DOCK9: variants seen among roughly 807,000 people sequenced by gnomAD.
The protein encoded by DOCK9 is dedicator of cytokinesis protein 9.
A neutral mutation model predicts 263.3 loss-of-function variants in DOCK9; 89 were observed. The ratio of observed to expected loss-of-function variants is 0.34; its 90% CI spans 0.28 to 0.40. The LOEUF is 0.40. Ranked by LOEUF, DOCK9 falls within the 10% of genes least tolerant of loss-of-function variation. The probability of loss-of-function intolerance (pLI) is 1.00; values close to 1 mark genes in which losing one functional copy is unlikely to be tolerated. For synonymous variants in DOCK9, 976 were observed against 973.1 expected (o/e 1.00, Z -0.06); for missense variants, 2,140 against 2,603.4 (o/e 0.82, Z 3.87).
At chr13:98,814,379 T>C (rs1194637382) in intron 45 of DOCK9, among the ~76,000 whole-genome samples, 1 of 151,876 alleles carries the variant, frequency 6.6e-6, no homozygotes, top group East Asian at 1.9e-4. Flanking sequence ...CTCTTTTCCT[T>C]TGTATCTGTA....
At chr13:98,888,943 A>G (rs892316741) in intron 15 of DOCK9, among the ~76,000 whole-genome samples, 3 of 152,220 alleles carry the variant, frequency 2.0e-5, no homozygotes, top group South Asian at 4.1e-4. Context: ...TCAGTATAAA[A>G]AATGTGTACT....
At chr13:98,975,997 C>T (rs1355002819) in intron 1 of DOCK9, among the ~76,000 whole-genome samples, 2 of 152,236 alleles carry the variant, frequency 1.3e-5, no homozygotes, top group Admixed American at 6.5e-5. Flanking sequence ...GCAGCAACAG[C>T]CACAGGTAAG....
intron 45 of DOCK9, among the ~76,000 whole-genome samples, chr13:98,816,392 G>C (rs2091853843): frequency 6.6e-6 from 1 of 152,106 alleles, no homozygotes; most frequent in Non-Finnish European, 1.5e-5. Flanking sequence ...ACATGCCCAA[G>C]ATGCAAGTCG....
rs117091534 is a variant in DOCK9, at chr13:98,842,985, G to A, written c.4198+2939C>T. Among the ~76,000 whole-genome samples the A allele has an allele frequency of 5.8e-3, 879 of 152,274 alleles. 8 individuals carry two copies. Among genetic ancestry groups the A allele is most frequent in the South Asian group, 0.022 (107 of 4,824 alleles). On this transcript the variant is annotated intron_variant, in intron 38 of 52. Transcript: ENST00000682017. ...CTTGCTGGAGTTCCATGTGCAGTGC[G>A]TGTGGTGCCTTCTTCCATGTCCTGT... is the stretch of plus-strand genomic sequence containing the variant.
In DOCK9 at chr13:98,846,039, G is replaced by A. The variant is rs74675539; in HGVS notation, c.4083C>T (p.Pro1361=). 6.3e-7 allele frequency: 1 copy of A among 1,587,314 alleles called. No individual in the cohort carries two copies. Among genetic ancestry groups the A allele is most frequent in the South Asian group, 1.1e-5 (1 of 87,050 alleles). The change falls in exon 38 of 53, where the codon CCC becomes CCT. Residue 1361 remains proline (P), a synonymous_variant. Coordinates refer to ENST00000682017, the MANE Select transcript of DOCK9 (RefSeq NM_001366683.2). ...TCTGAGACTTTCGATCATGAACTAT[G>A]GGTCCCAACCCCTCCTGGTTCCTGC... ...YIARNQEGLG[P]IVHDRKSQTL... is the part of the protein sequence containing the mutation.
rs915440420 is a variant in DOCK9, at chr13:98,807,575, T to C, written c.5514+86A>G. ...ACAATCCTTAATATTTTTCTTGTGTTTTTTTCTATATACATTTAAAAATAT... is the reference window on the plus strand; with the variant it reads ...ACAATCCTTAATATTTTTCTTGTGTCTTTTTCTATATACATTTAAAAATAT... On this transcript the variant is annotated intron_variant, in intron 48 of 52. Transcript: ENST00000682017. 4.0e-6 allele frequency: 5 copies of C among 1,245,112 alleles called. No homozygotes were observed. In the African/African-American group the frequency reaches 7.7e-5, roughly 19 times the overall value. 77.1% of individuals were successfully genotyped at this position (1,245,112 alleles called of 1,614,324 possible).
At chr13:98,811,378 T>C (rs1023004178) in intron 45 of DOCK9, among the ~76,000 whole-genome samples, 2 of 152,138 alleles carry the variant, frequency 1.3e-5, no homozygotes, top group Non-Finnish European at 2.9e-5. Flanking sequence ...CTTTGCCAGA[T>C]AGGTGATTTG....
chr13:98,822,106 A>G (rs377555011), intron 45 of DOCK9, among the ~76,000 whole-genome samples: 1 of 152,166 alleles, frequency 6.6e-6, no homozygotes, highest in Admixed American at 6.6e-5. Context: ...GGACTTTATA[A>G]CCCTGCTGTG....
chr13:98,833,040 G>A (rs1414328455), intron 39 of DOCK9: 1 of 151,934 alleles, frequency 6.6e-6, no homozygotes, highest in Non-Finnish European at 1.5e-5. Flanking sequence ...CAGAACACCT[G>A]GAATTCACAG....
At chr13:98,833,322 C>T (rs1421056910) in intron 39 of DOCK9, among the ~76,000 whole-genome samples, 1 of 151,988 alleles carries the variant, frequency 6.6e-6, no homozygotes, top group Non-Finnish European at 1.5e-5. Flanking sequence ...AATGAATTTA[C>T]ATTCCTAATT....
chr13:99,015,082 C>T (rs548268003), intron 1 of DOCK9, among the ~76,000 whole-genome samples: 5 of 152,216 alleles, frequency 3.3e-5, no homozygotes, highest in African/African-American at 1.2e-4. Flanking sequence ...TGTAAAGGGG[C>T]TAAATAATTC....
intron 30 of DOCK9, among the ~76,000 whole-genome samples, chr13:98,866,772 G>A (rs949375081): frequency 3.9e-5 from 6 of 152,192 alleles, no homozygotes; most frequent in African/African-American, 1.4e-4. Flanking sequence ...GAAAATAGTA[G>A]AATAATGAAT....
rs71437982 is a variant in DOCK9 at position 98,967,661 on chromosome 13, G to A, written c.126+10123C>T. The stretch of plus-strand genomic sequence containing the variant: ...CACACGAGGATGCTTCAGGCTCCAC[G>A]TCGCCAGGGAGGAGGGAATTCTCCC... On this transcript the variant is annotated intron_variant, in intron 1 of 52. Coordinates refer to ENST00000682017, the MANE Select transcript of DOCK9 (RefSeq NM_001366683.2). Among the ~76,000 whole-genome samples the A allele has an allele frequency of 1.9e-3, 294 of 152,262 alleles. 2 individuals are homozygous for A. The highest frequency in any genetic ancestry group is 2.9e-3 in the Non-Finnish European group (199 of 68,028).
chr13:98,944,248 A>G (rs2056384858), intron 2 of DOCK9, among the ~76,000 whole-genome samples: 1 of 152,180 alleles, frequency 6.6e-6, no homozygotes, highest in South Asian at 2.1e-4. Context: ...CTTGATGTAT[A>G]CAGGTGGTAT....
At chr13:98,855,374 C>T (rs1739841246) in intron 34 of DOCK9, among the ~76,000 whole-genome samples, 1 of 152,058 alleles carries the variant, frequency 6.6e-6, no homozygotes, top group African/African-American at 2.4e-5. Context: ...GAGTTTGAGC[C>T]CAGCCTGGCC....
chr13:99,005,013 CTAGCACCT>C (rs1286107877), intron 1 of DOCK9, among the ~76,000 whole-genome samples: 1 of 151,934 alleles, frequency 6.6e-6, no homozygotes, highest in Non-Finnish European at 1.5e-5. Context: ...GGAAACTCTG[CTAGCACCT>C]TTGCTTATAT....
At chr13:98,897,696 CTAAT>C (rs1202030389) in intron 14 of DOCK9, 86 bp from the exon 15 acceptor site, 2 of 1,535,018 alleles carry the variant, frequency 1.3e-6, no homozygotes, top group Non-Finnish European at 1.8e-6. Context: ...TATGAGAAGT[CTAAT>C]TATTATTCCA....
At chr13:98,848,670 A>G (rs1485019494) in intron 36 of DOCK9, 31 bp from the exon 37 acceptor site, 5 of 1,598,520 alleles carry the variant, frequency 3.1e-6, no homozygotes, top group East Asian at 4.5e-5. Context: ...TATTAGGGAA[A>G]TGCAAAGATA....
At chr13:99,033,854 T>C (rs9513538) in intron 1 of DOCK9, among the ~76,000 whole-genome samples, 22,571 of 152,098 alleles carry the variant, frequency 0.15, 2,382 homozygotes, top group East Asian at 0.42. Context: ...TCCCTACATA[T>C]AGATGTGCTG....
Sources: gnomAD v4.1 joint callset for allele counts (sites outside exome capture counted in the v4.1 genomes callset) on GRCh38, gnomAD v4.1.1 for gene constraint, MANE v1.5 for transcripts, NCBI Gene and HGNC (gene_info 2026-07-23, HGNC 2026-07-21) for gene names.